The following SYT13 variants were observed in gnomAD, a reference collection of about 807,000 sequenced individuals.
SYT13 encodes synaptotagmin-13.
Under a neutral mutation model 38.6 loss-of-function variants are expected in SYT13, and 21 were observed. The observed-to-expected ratio is 0.54, with a 90% CI of 0.39 to 0.78. The LOEUF is 0.78. SYT13 is among the 30% of genes least tolerant of loss of function. SYT13 has a pLI of 0.00. For missense variants in SYT13, 495 were observed against 548.7 expected, an observed-to-expected ratio of 0.90 and a Z score of 0.98; for synonymous variants, 241 against 237.6, an observed-to-expected ratio of 1.01 and a Z score of -0.13.
intron 1 of SYT13, among the ~76,000 whole-genome samples, chr11:45,269,223 C>T (rs141498522): frequency 7.2e-5 from 11 of 152,192 alleles, no homozygotes; most frequent in African/African-American, 1.4e-4. Context: ...ACAGTCAGTC[C>T]GCAGGTGCAA....
chr11:45,245,780 C>A (rs1854606926), intron 5 of SYT13, among the ~76,000 whole-genome samples: 1 of 152,186 alleles, frequency 6.6e-6, no homozygotes, highest in African/African-American at 2.4e-5. Flanking sequence ...ATATGGGGCA[C>A]AGACGCCTGA....
intron 1 of SYT13, among the ~76,000 whole-genome samples, chr11:45,284,543 A>C (rs1253049279): frequency 6.6e-6 from 1 of 152,180 alleles, no homozygotes; most frequent in Non-Finnish European, 1.5e-5. Flanking sequence ...TTTCTTTAAC[A>C]GATGATCAGC....
chr11:45,267,279 G>A (rs1290992831), intron 1 of SYT13, among the ~76,000 whole-genome samples: 2 of 152,210 alleles, frequency 1.3e-5, no homozygotes, highest in South Asian at 2.1e-4. Flanking sequence ...CCCATTTCTA[G>A]TGAGCCTTGA....
In SYT13 at chr11:45,243,860, G is replaced by C. The variant is rs889323146; in HGVS notation, c.*192C>G. 1 of 614,650 alleles carries C rather than the reference G, an allele frequency of 1.6e-6. No homozygotes were observed. Among genetic ancestry groups the C allele is most frequent in the Non-Finnish European group, 2.8e-6 (1 of 355,144 alleles). 38.1% of individuals were successfully genotyped at this position (614,650 alleles called of 1,614,324 possible). On this transcript the variant is annotated 3_prime_UTR_variant, in exon 6 of 6. Coordinates refer to ENST00000020926, the MANE Select transcript of SYT13 (RefSeq NM_020826.3). ...ATGAGCAAAATGCATTCCTCAGTGT[G>C]ACCCGCATATTCCATTTCCTGCTCT... is the stretch of plus-strand genomic sequence containing the variant.
intron 1 of SYT13, among the ~76,000 whole-genome samples, chr11:45,285,137 T>C (rs577539608): frequency 3.3e-5 from 5 of 152,322 alleles, no homozygotes; most frequent in South Asian, 4.1e-4. Flanking sequence ...AGCAGGACTC[T>C]TTGCCTCCTG....
chr11:45,244,068 T>C lies in SYT13; in HGVS notation c.1265A>G (p.His422Arg). 6.2e-7 allele frequency: 1 copy of C among 1,602,014 alleles called. No individual in the cohort carries two copies. Among genetic ancestry groups the C allele is most frequent in the East Asian group, 2.2e-5 (1 of 44,716 alleles). Residue 422 changes from histidine to arginine, a missense_variant, in exon 6 of 6, where the codon CAC becomes CGC. Coordinates refer to ENST00000020926, the MANE Select transcript of SYT13 (RefSeq NM_020826.3). ...GGCAGCTGGTTACAGGTGCAGCTGG[T>C]GCCACATGGCAATCTGCCGGCGAGG... ...KNPRRQIAMW[H>R]QLHL is the part of the protein sequence containing the mutation.
intron 1 of SYT13, 31 bp from the exon 2 acceptor site, chr11:45,255,922 C>A: frequency 6.2e-7 from 1 of 1,607,042 alleles, no homozygotes; most frequent in Non-Finnish European, 8.5e-7. Context: ...GATTAGTCCA[C>A]AAAGGAGCCC....
intron 4 of SYT13, among the ~76,000 whole-genome samples, chr11:45,251,986 C>T (rs1236188808): frequency 6.6e-6 from 1 of 152,200 alleles, no homozygotes; most frequent in Admixed American, 6.5e-5. Context: ...GCCAATTTGT[C>T]CCCTAGTCTG....
At chr11:45,251,284 G>A (rs1441753706) in intron 4 of SYT13, among the ~76,000 whole-genome samples, 1 of 150,940 alleles carries the variant, frequency 6.6e-6, no homozygotes, top group Non-Finnish European at 1.5e-5. Context: ...AGCTACTCAG[G>A]AGGCTGAGGC....
intron 1 of SYT13, among the ~76,000 whole-genome samples, chr11:45,263,220 T>C (rs1357977109): frequency 6.6e-6 from 1 of 152,224 alleles, no homozygotes; most frequent in Admixed American, 6.5e-5. Context: ...GGCCAGGTCC[T>C]ATGCTAAGTG....
At chr11:45,244,438 G>A in intron 5 of SYT13, 82 bp from the exon 6 acceptor site, 1 of 1,486,586 alleles carries the variant, frequency 6.7e-7, no homozygotes, top group Admixed American at 2.0e-5. Context: ...CCAGGACAAA[G>A]CTCCCTCCTG....
intron 3 of SYT13, chr11:45,254,003 G>A (rs1366089434): frequency 8.5e-5 from 26 of 306,230 alleles, no homozygotes; most frequent in Non-Finnish European, 1.5e-4. Flanking sequence ...AAGGAGAGGG[G>A]GGTTATGGAG....
intron 1 of SYT13, among the ~76,000 whole-genome samples, chr11:45,283,722 G>T (rs956294217): frequency 1.3e-5 from 2 of 152,220 alleles, no homozygotes; most frequent in African/African-American, 4.8e-5. Context: ...TATTTATTGT[G>T]CCCCTATTGA....
rs933802358 is a variant in SYT13 at position 45,254,163 on chromosome 11, C to T, written c.544+107G>A. On this transcript the variant is annotated intron_variant, in intron 3 of 5. Coordinates refer to ENST00000020926, the MANE Select transcript of SYT13 (RefSeq NM_020826.3). ...TGTTCCAGGGTCTGGTTGTTAGAGT[C>T]CTAATCCAGTGCTCTCTCCAGCTGC... 2.1e-5 allele frequency: 28 copies of T among 1,305,692 alleles called. No individual in the cohort carries two copies. The African/African-American group carries it at 4.0e-4, about 19-fold the overall frequency. 80.9% of individuals were successfully genotyped at this position (1,305,692 alleles called of 1,614,324 possible).
In SYT13 at chr11:45,285,822, G is replaced by A. The variant is rs1024336612; in HGVS notation, c.183+203C>T. 5 of 739,462 alleles carry A rather than the reference G, an allele frequency of 6.8e-6. No homozygotes were observed. In the East Asian group the frequency reaches 8.4e-5, roughly 12 times the overall value. 45.8% of individuals were successfully genotyped at this position (739,462 alleles called of 1,614,324 possible). On this transcript the variant is annotated intron_variant, in intron 1 of 5. Transcript: ENST00000020926. ...TCGCCGCTCCCTAATTCTCCTTCAG[G>A]TCTCGTCTCCCCCATCCCCTAGCCT...
chr11:45,256,004 T>A, intron 1 of SYT13, 113 bp from the exon 2 acceptor site: 1 of 1,127,802 alleles, frequency 8.9e-7, no homozygotes, highest in Non-Finnish European at 1.3e-6. Flanking sequence ...GGGAGAGTTG[T>A]GGTTTCATTC....
At position 45,241,333 on chromosome 11, in the gene SYT13, T is replaced by G. The variant is rs945859525; in HGVS notation, c.*2719A>C. On this transcript the variant is annotated 3_prime_UTR_variant, in exon 6 of 6. Transcript: ENST00000020926. ...ATGAGACAGCTTTATCCCAGGCACT[T>G]AGAATACAGTGAACATAACAGACAA... 1 of 152,208 alleles carries G rather than the reference T, an allele frequency of 6.6e-6. No individual in the cohort carries two copies. The highest frequency in any genetic ancestry group is 1.5e-5 in the Non-Finnish European group (1 of 68,028). 9.4% of individuals were successfully genotyped at this position (152,208 alleles called of 1,614,324 possible).
intron 4 of SYT13, among the ~76,000 whole-genome samples, chr11:45,251,478 G>A (rs778287814): frequency 2.0e-5 from 3 of 151,842 alleles, no homozygotes; most frequent in Non-Finnish European, 2.9e-5. Context: ...CTGGAAAGGG[G>A]CTAATATAAT....
At chr11:45,285,957 T>G in intron 1 of SYT13, 68 bp downstream of exon 1, 1 of 1,548,254 alleles carries the variant, frequency 6.5e-7, no homozygotes, top group African/African-American at 1.4e-5. Flanking sequence ...CCCACCCCAG[T>G]TCCCCCTCTG....
Sources: gnomAD v4.1 joint callset for allele counts (sites outside exome capture counted in the v4.1 genomes callset) on GRCh38, gnomAD v4.1.1 for gene constraint, MANE v1.5 for transcripts, NCBI Gene and HGNC (gene_info 2026-07-23, HGNC 2026-07-21) for gene names.